C21orf58: variants seen among roughly 807,000 people sequenced by gnomAD.
C21orf58 encodes chromosome 21 open reading frame 58.
C21orf58 carries 34 observed loss-of-function variants against 35.8 expected under a neutral mutation model. The observed-to-expected ratio is 0.95, with a 90% CI of 0.72 to 1.26. The LOEUF (loss-of-function observed/expected upper bound fraction) is 1.26, where lower values mean the gene tolerates loss of function less well. Among genes scored for constraint, C21orf58 ranks in the 50% most tolerant of loss-of-function variants. The pLI, the probability that C21orf58 is intolerant of heterozygous loss-of-function variation, is 0.00. For missense variants in C21orf58, 440 were observed against 414.3 expected, an observed-to-expected ratio of 1.06 and a Z score of -0.54; for synonymous variants, 191 against 175.8, an observed-to-expected ratio of 1.09 and a Z score of -0.68.
In C21orf58 at chr21:46,301,835, C is replaced by A; in HGVS notation, c.*164G>T. The A allele has an allele frequency of 7.9e-7, 1 of 1,266,348 alleles. No homozygotes were observed. Among genetic ancestry groups the A allele is most frequent in the East Asian group, 3.1e-5 (1 of 31,870 alleles). The allele number at this position is 1,266,348 out of a possible 1,614,324, so 78.4% of individuals were successfully genotyped here. ...AATGGCCCCGTGACCAGAAAGCGAG[C>A]CTGCCCAGCTTCCCCAGGAGGAGCC... On this transcript the variant is annotated 3_prime_UTR_variant, in exon 8 of 8. Coordinates refer to ENST00000291691, the MANE Select transcript of C21orf58 (RefSeq NM_058180.5).
At chr21:46,319,477 C>G (rs1193891430) in intron 1 of C21orf58, among the ~76,000 whole-genome samples, 1 of 152,196 alleles carries the variant, frequency 6.6e-6, no homozygotes, top group Non-Finnish European at 1.5e-5. Flanking sequence ...TTTAAGATCC[C>G]AGTGCCATTG....
chr21:46,304,604 A>G (rs536273589), intron 6 of C21orf58, among the ~76,000 whole-genome samples: 1 of 152,332 alleles, frequency 6.6e-6, no homozygotes, highest in Admixed American at 6.5e-5. Context: ...GGCAAAAATG[A>G]AAAGTGTGAA....
At chr21:46,314,626 T>C (rs1489354027) in intron 5 of C21orf58, 90 bp downstream of exon 5, 2 of 1,072,626 alleles carry the variant, frequency 1.9e-6, no homozygotes, top group Non-Finnish European at 2.6e-6. Flanking sequence ...GCAACCTCGC[T>C]GCAGGCACAG....
chr21:46,301,455 G>T lies in C21orf58; in HGVS notation c.*544C>A. 1 of 960,464 alleles carries T rather than the reference G, an allele frequency of 1.0e-6. No individual in the cohort carries two copies. Among genetic ancestry groups the T allele is most frequent in the Non-Finnish European group, 1.2e-6 (1 of 821,058 alleles). 59.5% of individuals were successfully genotyped at this position (960,464 alleles called of 1,614,324 possible). Reference sequence around the variant, plus strand: ...AGCCATGCACCCCTACTTCTTTAGTGGGAGTCTGTGCCACAGCTGTGGACA... The same window carrying T: ...AGCCATGCACCCCTACTTCTTTAGTTGGAGTCTGTGCCACAGCTGTGGACA... On this transcript the variant is annotated 3_prime_UTR_variant, in exon 8 of 8. Coordinates refer to ENST00000291691, the MANE Select transcript of C21orf58 (RefSeq NM_058180.5).
At chr21:46,315,736 G>A (rs2082952074) in intron 3 of C21orf58, among the ~76,000 whole-genome samples, 189 bp from the exon 4 acceptor site, 1 of 152,166 alleles carries the variant, frequency 6.6e-6, no homozygotes, top group South Asian at 2.1e-4. Context: ...GGGTAAGGAG[G>A]GCAAGGGGCA....
rs554770311 is a variant in C21orf58, at chr21:46,315,609, G to A, written c.371-62C>T. ...GTAGAGGCTGTCGCTGCAAGCACTC[G>A]GACTGGATGGTACTGCACCCATGTC... On this transcript the variant is annotated intron_variant, in intron 3 of 7. Coordinates refer to ENST00000291691, the MANE Select transcript of C21orf58 (RefSeq NM_058180.5). 1.5e-5 allele frequency: 16 copies of A among 1,090,388 alleles called. No homozygotes were observed. In the Middle Eastern group the frequency reaches 5.9e-4, roughly 40 times the overall value. The allele number at this position is 1,090,388 out of a possible 1,614,324, so 67.5% of individuals were successfully genotyped here.
chr21:46,322,597 T>C (rs1225742706), intron 1 of C21orf58, 42 bp downstream of exon 1: 4 of 1,448,982 alleles, frequency 2.8e-6, no homozygotes, highest in Non-Finnish European at 3.7e-6. Flanking sequence ...ACCACCCAAT[T>C]CCGAGTCTGG....
chr21:46,308,231 A>AG (rs1360033372), intron 6 of C21orf58, among the ~76,000 whole-genome samples: 2 of 152,018 alleles, frequency 1.3e-5, no homozygotes, highest in Non-Finnish European at 2.9e-5. Flanking sequence ...GGGAGGCCGA[A>AG]GGGGGCAGAT....
At chr21:46,315,580 A>G in intron 3 of C21orf58, 33 bp from the exon 4 acceptor site, 2 of 1,449,358 alleles carry the variant, frequency 1.4e-6, no homozygotes, top group Non-Finnish European at 1.9e-6. Flanking sequence ...TTACCAAGGA[A>G]CGCGTAGAGG....
intron 3 of C21orf58, among the ~76,000 whole-genome samples, chr21:46,316,031 A>G (rs926057506): frequency 3.9e-5 from 6 of 152,070 alleles, no homozygotes; most frequent in African/African-American, 1.4e-4. Flanking sequence ...CATGCCTGTC[A>G]TCTCAACAGT....
At chr21:46,305,390 TGTGA>T (rs2082369277) in intron 6 of C21orf58, among the ~76,000 whole-genome samples, 1 of 147,894 alleles carries the variant, frequency 6.8e-6, no homozygotes, top group African/African-American at 2.5e-5. Context: ...GACGCCTTGG[TGTGA>T]ACACAGCTCA....
At chr21:46,306,650 C>T (rs983553107) in intron 6 of C21orf58, among the ~76,000 whole-genome samples, 2 of 152,178 alleles carry the variant, frequency 1.3e-5, no homozygotes, top group East Asian at 3.9e-4. Context: ...TACAGTGGCA[C>T]AGTCACAGCT....
chr21:46,314,638 G>T, intron 5 of C21orf58, 78 bp downstream of exon 5: 1 of 1,146,296 alleles, frequency 8.7e-7, no homozygotes, highest in Non-Finnish European at 1.2e-6. Context: ...CAGGCACAGC[G>T]CCTCCTGCCT....
intron 1 of C21orf58, 186 bp from the exon 2 acceptor site, chr21:46,318,406 G>C (rs2083054533): frequency 4.2e-6 from 6 of 1,432,608 alleles, no homozygotes; most frequent in Non-Finnish European, 5.5e-6. Flanking sequence ...GGTGTGGCCA[G>C]CTGGGCTTCA....
At position 46,322,653 on chromosome 21, in the gene C21orf58, T is replaced by C. The variant is rs1317632073; in HGVS notation, c.86A>G (p.His29Arg). Reference protein sequence around the residue: ...RQKLPSPDSGHSLLCGWSPGG... With the variant: ...RQKLPSPDSGRSLLCGWSPGG... ...ACCCCGCTCACCACACAGAAGACTG[T>C]GGCCTGAGTCAGGAGAAGGAAGTTT... The change falls in exon 1 of 8, where the codon CAC becomes CGC. Residue 29 changes from histidine (H) to arginine (R), a missense_variant. Transcript: ENST00000291691. 1.3e-6 allele frequency: 2 copies of C among 1,591,364 alleles called. No individual in the cohort carries two copies. Among genetic ancestry groups the C allele is most frequent in the Admixed American group, 1.8e-5 (1 of 57,020 alleles).
At chr21:46,313,181 A>C (rs1272176005) in intron 5 of C21orf58, 1 of 361,502 alleles carries the variant, frequency 2.8e-6, no homozygotes, top group African/African-American at 2.2e-5. Context: ...CAATGTGGAA[A>C]CAAATGGGCC....
chr21:46,309,419 G>A lies in C21orf58; in HGVS notation c.721+2037C>T, dbSNP rs575470671. On this transcript the variant is annotated intron_variant, in intron 6 of 7. Coordinates refer to ENST00000291691, the MANE Select transcript of C21orf58 (RefSeq NM_058180.5). The stretch of plus-strand genomic sequence containing the variant: ...AGAGGTTGAAGTGAGCCGAGATTGC[G>A]CCACTTCACTCAAGCCTGGGCAAAA... 5.4e-5 allele frequency among the ~76,000 whole-genome samples: 8 copies of A among 148,408 alleles called. No individual in the cohort carries two copies. The East Asian group carries it at 1.0e-3, about 19-fold the overall frequency.
intron 4 of C21orf58, chr21:46,315,095 T>G (rs1211072815): frequency 7.3e-7 from 1 of 1,367,460 alleles, no homozygotes; most frequent in African/African-American, 1.5e-5. Flanking sequence ...TTGTTTTCTT[T>G]TTCCAGCCCC....
downstream of C21orf58, chr21:46,300,460 G>T (rs527839808): frequency 2.8e-5 from 6 of 215,660 alleles, no homozygotes; most frequent in African/African-American, 4.6e-5. Context: ...TAGAAAGAAA[G>T]AAATGCCATG....
Sources: allele counts gnomAD v4.1 joint callset (sites outside exome capture counted in the v4.1 genomes callset), GRCh38; gene constraint gnomAD v4.1.1; transcripts MANE v1.5; gene names NCBI Gene and HGNC (gene_info 2026-07-23, HGNC 2026-07-21).